Variants in NALF1 observed in about 807,000 individuals in gnomAD.
NALF1 encodes NALCN channel auxiliary factor 1.
NALF1 carries 3 observed loss-of-function variants against 48.4 expected under a neutral mutation model. The ratio of observed to expected loss-of-function variants is 0.06; its 90% CI spans 0.03 to 0.16. The LOEUF (loss-of-function observed/expected upper bound fraction) is 0.16, where lower values mean the gene tolerates loss of function less well. Among genes scored for constraint, NALF1 ranks in the 10% least tolerant of loss-of-function variants. The pLI is 1.00. For synonymous variants in NALF1, 262 were observed against 245.7 expected, an observed-to-expected ratio of 1.07 and a Z score of -0.62; for missense variants, 526 against 571.5, an observed-to-expected ratio of 0.92 and a Z score of 0.81.
intron 1 of NALF1, among the ~76,000 whole-genome samples, chr13:107,614,007 A>G (rs1879309365): frequency 6.6e-6 from 1 of 152,210 alleles, no homozygotes; most frequent in Non-Finnish European, 1.5e-5. Flanking sequence ...AGAAAGGGTA[A>G]GTACTGACCT....
chr13:107,581,255 T>A (rs1878299599), intron 1 of NALF1, among the ~76,000 whole-genome samples: 1 of 152,178 alleles, frequency 6.6e-6, no homozygotes, highest in African/African-American at 2.4e-5. Context: ...AATGTGACCA[T>A]GTGATATGTT....
At chr13:107,562,446 G>A (rs551012410) in intron 1 of NALF1, among the ~76,000 whole-genome samples, 3 of 152,198 alleles carry the variant, frequency 2.0e-5, no homozygotes, top group Non-Finnish European at 2.9e-5. Flanking sequence ...TGCTGGCTCC[G>A]ACCCTGCTGT....
chr13:107,846,515 C>T (rs1180039125), intron 1 of NALF1, among the ~76,000 whole-genome samples: 1 of 152,106 alleles, frequency 6.6e-6, no homozygotes, highest in Admixed American at 6.6e-5. Context: ...CTAGCAAAAC[C>T]ATACAGTAAA....
intron 1 of NALF1, among the ~76,000 whole-genome samples, chr13:107,542,773 T>C (rs1877032126): frequency 6.6e-6 from 1 of 152,126 alleles, no homozygotes; most frequent in South Asian, 2.1e-4. Flanking sequence ...GCAAGTAAAT[T>C]TGAATTCTTA....
intron 1 of NALF1, among the ~76,000 whole-genome samples, chr13:107,599,966 T>TATA (rs1372212684): frequency 2.0e-5 from 3 of 152,202 alleles, no homozygotes; most frequent in Non-Finnish European, 4.4e-5. Context: ...CTAACTCTGA[T>TATA]ATAATGTTAT....
At chr13:107,770,073 C>T (rs939404320) in intron 1 of NALF1, among the ~76,000 whole-genome samples, 12 of 152,046 alleles carry the variant, frequency 7.9e-5, no homozygotes, top group Non-Finnish European at 1.8e-4. Context: ...CCACCACGCC[C>T]GGCTAATTTT....
chr13:107,721,985 C>G (rs991804501), intron 1 of NALF1, among the ~76,000 whole-genome samples: 3 of 152,152 alleles, frequency 2.0e-5, no homozygotes, highest in Non-Finnish European at 2.9e-5. Context: ...AGGGTTCCCC[C>G]CCTCTTGCCT....
At chr13:107,414,583 G>A (rs1299597395) in intron 1 of NALF1, among the ~76,000 whole-genome samples, 2 of 151,148 alleles carry the variant, frequency 1.3e-5, no homozygotes, top group African/African-American at 2.4e-5. Flanking sequence ...CTATTTTCCC[G>A]ATTAGATTTT....
At chr13:107,559,841 A>G (rs1877592995) in intron 1 of NALF1, among the ~76,000 whole-genome samples, 1 of 152,204 alleles carries the variant, frequency 6.6e-6, no homozygotes, top group Admixed American at 6.5e-5. Context: ...AAATTAACAC[A>G]GAATTTTTAT....
rs544321604 is a variant in NALF1 at position 107,174,153 on chromosome 13, C to T, written c.1088-3367G>A. ...TTCATTCCCTCCCTGAATAAATTCC[C>T]TCCATTTTCTCTGTGTTGCCACCCT... On this transcript the variant is annotated intron_variant, in intron 2 of 2. Coordinates refer to ENST00000375915, the MANE Select transcript of NALF1 (RefSeq NM_001080396.3). 2.0e-5 allele frequency among the ~76,000 whole-genome samples: 3 copies of T among 152,082 alleles called. No homozygotes were observed. The South Asian group carries it at 6.2e-4, about 32-fold the overall frequency.
At chr13:107,634,424 A>G (rs2138451705) in intron 1 of NALF1, among the ~76,000 whole-genome samples, 1 of 152,158 alleles carries the variant, frequency 6.6e-6, no homozygotes, top group Admixed American at 6.5e-5. Context: ...ATTAAAAAAT[A>G]AAAGGCAAAT....
At chr13:107,293,603 T>A (rs1881671342) in intron 1 of NALF1, among the ~76,000 whole-genome samples, 1 of 152,198 alleles carries the variant, frequency 6.6e-6, no homozygotes, top group African/African-American at 2.4e-5. Context: ...TACTGAGTCA[T>A]CCTCATTGTA....
chr13:107,342,359 A>C (rs961011330), intron 1 of NALF1, among the ~76,000 whole-genome samples: 1 of 152,216 alleles, frequency 6.6e-6, no homozygotes, highest in Non-Finnish European at 1.5e-5. Flanking sequence ...CCATGTTCTT[A>C]AGTATATTTT....
intron 1 of NALF1, among the ~76,000 whole-genome samples, chr13:107,714,858 T>C (rs1185390474): frequency 2.0e-5 from 3 of 152,180 alleles, no homozygotes; most frequent in African/African-American, 4.8e-5. Flanking sequence ...TTTGAATTAT[T>C]TGAAAAATTA....
intron 1 of NALF1, among the ~76,000 whole-genome samples, chr13:107,777,657 C>T (rs1362948907): frequency 6.6e-6 from 1 of 152,172 alleles, no homozygotes; most frequent in African/African-American, 2.4e-5. Context: ...AATGCTGGAG[C>T]TATGCTTCCT....
At chr13:107,445,623 T>A (rs975479069) in intron 1 of NALF1, among the ~76,000 whole-genome samples, 14 of 152,216 alleles carry the variant, frequency 9.2e-5, no homozygotes, top group African/African-American at 3.4e-4. Flanking sequence ...TGTTTAGTTT[T>A]AAAAGAAACT....
At chr13:107,778,775 A>G (rs963096247) in intron 1 of NALF1, among the ~76,000 whole-genome samples, 3 of 151,588 alleles carry the variant, frequency 2.0e-5, no homozygotes. Context: ...TTCCCTCCCC[A>G]CTCATTCATC....
chr13:107,772,787 T>C (rs1877615564), intron 1 of NALF1, among the ~76,000 whole-genome samples: 1 of 152,202 alleles, frequency 6.6e-6, no homozygotes, highest in Non-Finnish European at 1.5e-5. Flanking sequence ...CTTAGGTTCC[T>C]ATGTGAGAGA....
chr13:107,202,609 G>C (rs1879544483), intron 2 of NALF1, among the ~76,000 whole-genome samples: 1 of 152,088 alleles, frequency 6.6e-6, no homozygotes, highest in South Asian at 2.1e-4. Context: ...CAATGACCTA[G>C]ACAGTCTTCT....
Sources: allele counts gnomAD v4.1 joint callset (sites outside exome capture counted in the v4.1 genomes callset), GRCh38; gene constraint gnomAD v4.1.1; transcripts MANE v1.5; gene names NCBI Gene and HGNC (gene_info 2026-07-23, HGNC 2026-07-21).